Variants in DNAH14 observed in about 807,000 individuals in gnomAD.
The protein encoded by DNAH14 is dynein axonemal heavy chain 14.
Under a neutral mutation model 520.9 loss-of-function variants are expected in DNAH14, and 478 were observed. The observed-to-expected ratio is 0.92, with a 90% CI of 0.85 to 0.99. DNAH14 has a LOEUF of 0.99. Among genes scored for constraint, DNAH14 ranks in the 50% least tolerant of loss-of-function variants. The pLI, the probability that DNAH14 is intolerant of heterozygous loss-of-function variation, is 0.00. For synonymous variants in DNAH14, 1,581 were observed against 1,757.2 expected (o/e 0.90, Z 2.51); for missense variants, 4,831 against 5,234.5 (o/e 0.92, Z 2.38).
rs1357710684 is a variant in DNAH14, at chr1:225,335,345, GTGTA to G, written c.10080+1841_10080+1844del. On this transcript the variant is annotated intron_variant, in intron 66 of 85. Coordinates refer to ENST00000682510, the MANE Select transcript of DNAH14 (RefSeq NM_001367479.1). The stretch of plus-strand genomic sequence containing the variant: ...CACATATACACGTGTGTACATGTGT[GTGTA>G]TATGCATATACACGTGTACATGTGT... Among the ~76,000 whole-genome samples the G allele has an allele frequency of 1.7e-4, 13 of 75,858 alleles. 1 individual carries two copies. Among genetic ancestry groups the G allele is most frequent in the Non-Finnish European group, 2.4e-4 (9 of 37,218 alleles). The allele number at this position is 75,858 out of a possible 152,430, so 49.8% of individuals were successfully genotyped here. A position where few individuals can be genotyped will look rare whatever the true frequency, so the allele number is the denominator to read the frequency against.
intron 42 of DNAH14, among the ~76,000 whole-genome samples, chr1:225,238,882 A>T (rs540595466): frequency 1.7e-4 from 26 of 152,312 alleles, no homozygotes; most frequent in African/African-American, 6.0e-4. Flanking sequence ...TCCCTCTTAA[A>T]GAAGCAGTCT....
chr1:225,304,966 T>C lies in DNAH14; in HGVS notation c.8882T>C (p.Leu2961Ser). 6.5e-7 allele frequency: 1 copy of C among 1,543,430 alleles called. No homozygotes were observed. The change falls in exon 58 of 86, where the codon TTG becomes TCG. Residue 2961 changes from leucine to serine, a missense_variant. Transcript: ENST00000682510. ...CVQIHKSMKD[L>S]NRKYFEETGR... ...CAAATCCACAAAAGCATGAAAGACT[T>C]GAACAGAAAATACTTTGAAGAAACT... is the stretch of plus-strand genomic sequence containing the variant.
At chr1:225,217,879 T>C (rs559818335) in intron 41 of DNAH14, among the ~76,000 whole-genome samples, 26 of 152,160 alleles carry the variant, frequency 1.7e-4, no homozygotes, top group African/African-American at 4.8e-4. Flanking sequence ...CCCTGCTCCA[T>C]GGGCTGCACC....
At chr1:225,075,431 A>G (rs1308040428) in intron 17 of DNAH14, among the ~76,000 whole-genome samples, 3 of 152,182 alleles carry the variant, frequency 2.0e-5, no homozygotes, top group East Asian at 1.9e-4. Context: ...CTAGTCAGCC[A>G]TCTTGGCCAC....
At chr1:225,000,655 C>T (rs2063700182) in intron 8 of DNAH14, among the ~76,000 whole-genome samples, 1 of 151,598 alleles carries the variant, frequency 6.6e-6, no homozygotes, top group Non-Finnish European at 1.5e-5. Flanking sequence ...CAGCTCACTG[C>T]AGCCTCTACC....
rs780521194 is a variant in DNAH14, at chr1:225,119,211, T to G, written c.4092-9T>G. 1 of 1,512,578 alleles carries G rather than the reference T, an allele frequency of 6.6e-7. No individual in the cohort carries two copies. The highest frequency in any genetic ancestry group is 8.9e-7 in the Non-Finnish European group (1 of 1,128,678). 93.7% of individuals were successfully genotyped at this position (1,512,578 alleles called of 1,614,324 possible). A position where few individuals can be genotyped will look rare whatever the true frequency, so the allele number is the denominator to read the frequency against. Reference sequence around the variant, plus strand: ...TTCTTCATGATATTATTTTTGAAACTAATTTTAGGAAAATTCGTGTAAGAA... The same window carrying G: ...TTCTTCATGATATTATTTTTGAAACGAATTTTAGGAAAATTCGTGTAAGAA... On this transcript the variant is annotated splice_polypyrimidine_tract_variant and intron_variant, in intron 25 of 85. Transcript: ENST00000682510.
intron 1 of DNAH14, among the ~76,000 whole-genome samples, chr1:224,935,351 C>G (rs2058961414): frequency 6.6e-6 from 1 of 151,764 alleles, no homozygotes; most frequent in Non-Finnish European, 1.5e-5. Flanking sequence ...CTCACCTTAT[C>G]AGTAACGACA....
chr1:225,061,985 C>T (rs1017645914), intron 17 of DNAH14, among the ~76,000 whole-genome samples: 7 of 152,112 alleles, frequency 4.6e-5, no homozygotes, highest in Non-Finnish European at 5.9e-5. Context: ...CTTCCATAAA[C>T]AACTAAATAA....
At chr1:225,139,887 C>A (rs1342967306) in intron 27 of DNAH14, among the ~76,000 whole-genome samples, 1 of 152,186 alleles carries the variant, frequency 6.6e-6, no homozygotes, top group African/African-American at 2.4e-5. Context: ...CACTTTCTAA[C>A]CCTCAGTCTC....
At chr1:225,265,122 G>T in intron 47 of DNAH14, 60 bp from the exon 48 acceptor site, 1 of 1,205,154 alleles carries the variant, frequency 8.3e-7, no homozygotes, top group Non-Finnish European at 1.1e-6. Flanking sequence ...ATTAAAATAA[G>T]GCAAAAATGT....
chr1:225,109,506 A>G (rs2076325323), intron 23 of DNAH14, among the ~76,000 whole-genome samples: 1 of 151,534 alleles, frequency 6.6e-6, no homozygotes, highest in Admixed American at 6.6e-5. Context: ...ATTTTTTTTC[A>G]TATTGTTCAC....
At chr1:224,954,696 T>C (rs990250407) in intron 2 of DNAH14, 1 of 241,166 alleles carries the variant, frequency 4.1e-6, no homozygotes, top group African/African-American at 2.3e-5. Flanking sequence ...CTATTTAAAA[T>C]TTAACTAGAC....
intron 41 of DNAH14, among the ~76,000 whole-genome samples, chr1:225,215,833 T>C (rs1455774960): frequency 6.6e-6 from 1 of 152,190 alleles, no homozygotes; most frequent in Non-Finnish European, 1.5e-5. Flanking sequence ...CTCTGATGGG[T>C]CTTGACTCTT....
chr1:225,206,235 A>G, intron 40 of DNAH14, 56 bp downstream of exon 40: 2 of 1,389,110 alleles, frequency 1.4e-6, no homozygotes, highest in South Asian at 2.8e-5. Flanking sequence ...TATGATAGTA[A>G]CTATTTATTA....
At chr1:225,043,641 C>T (rs1323535997) in intron 13 of DNAH14, 103 bp from the exon 14 acceptor site, 4 of 846,714 alleles carry the variant, frequency 4.7e-6, no homozygotes, top group Non-Finnish European at 7.3e-6. Context: ...TGAGTTTATT[C>T]TTAGGATATG....
At chr1:225,249,341 G>C (rs6693155) in intron 43 of DNAH14, among the ~76,000 whole-genome samples, 16,873 of 152,094 alleles carry the variant, frequency 0.11, 1,437 homozygotes, top group East Asian at 0.24. Context: ...TTACCAGTAG[G>C]GACAATCTCT....
chr1:225,360,253 G>T (rs5003560), intron 74 of DNAH14, among the ~76,000 whole-genome samples: 12 of 152,084 alleles, frequency 7.9e-5, no homozygotes, highest in African/African-American at 2.9e-4. Flanking sequence ...ATCATTGATG[G>T]GCATTTGGGT....
At chr1:224,961,705 C>T (rs1431948975) in intron 4 of DNAH14, among the ~76,000 whole-genome samples, 1 of 152,286 alleles carries the variant, frequency 6.6e-6, no homozygotes, top group African/African-American at 2.4e-5. Flanking sequence ...ATGGGAATTA[C>T]AATTCAAGGT....
intron 23 of DNAH14, among the ~76,000 whole-genome samples, chr1:225,106,098 A>G (rs1400911952): frequency 1.4e-5 from 2 of 148,074 alleles, no homozygotes; most frequent in African/African-American, 2.6e-5. Context: ...ATCTCTCAGC[A>G]TTTGCTTGTC....
Sources: allele counts gnomAD v4.1 joint callset (sites outside exome capture counted in the v4.1 genomes callset), GRCh38; gene constraint gnomAD v4.1.1; transcripts MANE v1.5; gene names NCBI Gene and HGNC (gene_info 2026-07-23, HGNC 2026-07-21).